GLI2: variants seen among roughly 807,000 people sequenced by gnomAD.
The protein encoded by GLI2 is transcription activator GLI2.
A neutral mutation model predicts 78.9 loss-of-function variants in GLI2; 22 were observed. The ratio of observed to expected loss-of-function variants is 0.28; its 90% confidence interval spans 0.20 to 0.40. The LOEUF is 0.40. GLI2 is among the 10% of genes least tolerant of loss of function. The pLI is 1.00. For missense variants in GLI2, 2,097 were observed against 2,213.2 expected, an observed-to-expected ratio of 0.95 and a Z score of 1.05; for synonymous variants, 974 against 963.7, an observed-to-expected ratio of 1.01 and a Z score of -0.20.
chr2:120,775,407 A>AG (rs1211527576), intron 1 of GLI2, among the ~76,000 whole-genome samples: 1 of 152,102 alleles, frequency 6.6e-6, no homozygotes, highest in African/African-American at 2.4e-5. Flanking sequence ...GGTGTCCATC[A>AG]GGGGTAGTTG....
intron 2 of GLI2, among the ~76,000 whole-genome samples, chr2:120,803,892 G>C (rs192006399): frequency 1.5e-4 from 23 of 152,118 alleles, no homozygotes; most frequent in African/African-American, 5.1e-4. Flanking sequence ...AAGAGTCTCA[G>C]GGGGGGAGAC....
intron 2 of GLI2, among the ~76,000 whole-genome samples, chr2:120,820,457 C>G (rs2104746547): frequency 6.6e-6 from 1 of 152,330 alleles, no homozygotes; most frequent in African/African-American, 2.4e-5. Flanking sequence ...ACGTCAGAGG[C>G]TGATGCTGGC....
chr2:120,918,888 G>T lies in GLI2; in HGVS notation c.149-8473G>T, dbSNP rs75805776. Reference sequence around the variant, plus strand: ...CTGTCTGGATTCATGGCTCAGGTGCGTTCTGCTCCTATCCCAAGCTCCTTA... The same window carrying T: ...CTGTCTGGATTCATGGCTCAGGTGCTTTCTGCTCCTATCCCAAGCTCCTTA... On this transcript the variant is annotated intron_variant, in intron 2 of 13. Transcript: ENST00000361492. Among the ~76,000 whole-genome samples the T allele has an allele frequency of 1.1e-4, 16 of 152,342 alleles. No individual in the cohort carries two copies. The East Asian group carries it at 3.1e-3, about 29-fold the overall frequency.
At chr2:120,775,725 C>A (rs1683657111) in intron 1 of GLI2, among the ~76,000 whole-genome samples, 1 of 152,206 alleles carries the variant, frequency 6.6e-6, no homozygotes, top group South Asian at 2.1e-4. Context: ...CTGGAACTCT[C>A]TGTGGACTTG....
intron 2 of GLI2, among the ~76,000 whole-genome samples, chr2:120,914,846 C>T (rs115985246): frequency 0.017 from 2,616 of 152,350 alleles, 74 homozygotes; most frequent in African/African-American, 0.059. Flanking sequence ...CAGGAAGGTT[C>T]GGTGAGTCAG....
chr2:120,752,294 G>T (rs1051591854), intron 1 of GLI2, among the ~76,000 whole-genome samples: 1 of 140,124 alleles, frequency 7.1e-6, no homozygotes, highest in Non-Finnish European at 1.5e-5. Flanking sequence ...TTTTTGAGAC[G>T]GAGTCTCTGT....
chr2:120,955,152 CCTTTTTTTTTTTTTTT>C lies in GLI2; in HGVS notation c.458-92_458-77del, dbSNP rs1304664828. ...GACACCAGGTGTGCATTTCTCTCTG[CCTTTTTTTTTTTTTTT>C]TTTTTTTTTTTTTGGCAGGAGAAGG... On this transcript the variant is annotated intron_variant, in intron 4 of 13. Coordinates refer to ENST00000361492, the MANE Select transcript of GLI2 (RefSeq NM_001374353.1). 155 of 305,054 alleles carry C rather than the reference CCTTTTTTTTTTTTTTT, an allele frequency of 5.1e-4. 2 individuals carry two copies. In the East Asian group the frequency reaches 5.5e-3, roughly 11 times the overall value. 18.9% of individuals were successfully genotyped at this position (305,054 alleles called of 1,614,324 possible).
chr2:120,850,128 A>G (rs919172990), intron 2 of GLI2, among the ~76,000 whole-genome samples: 1 of 150,432 alleles, frequency 6.6e-6, no homozygotes, highest in Non-Finnish European at 1.5e-5. Context: ...AGAAGGTTAT[A>G]CAAGAACAAT....
intron 2 of GLI2, among the ~76,000 whole-genome samples, chr2:120,874,516 G>A (rs561032285): frequency 3.9e-5 from 6 of 152,352 alleles, no homozygotes; most frequent in South Asian, 2.1e-4. Flanking sequence ...GGGGAAAGAC[G>A]GATGTGCCTG....
chr2:120,953,216 A>G (rs1252927343), intron 4 of GLI2, among the ~76,000 whole-genome samples: 1 of 152,254 alleles, frequency 6.6e-6, no homozygotes, highest in Non-Finnish European at 1.5e-5. Context: ...CAAGAGACAC[A>G]CTGAGAAGGC....
intron 1 of GLI2, among the ~76,000 whole-genome samples, chr2:120,795,366 T>A (rs1447642485): frequency 2.0e-5 from 3 of 151,188 alleles, no homozygotes; most frequent in Non-Finnish European, 4.4e-5. Context: ...TACTAAAAAA[T>A]ACAAAAATTA....
intron 2 of GLI2, among the ~76,000 whole-genome samples, chr2:120,919,024 C>T (rs1347593802): frequency 1.3e-5 from 2 of 151,220 alleles, no homozygotes; most frequent in Middle Eastern, 3.4e-3. Flanking sequence ...TCCAGCCTGC[C>T]CCTCTACTGC....
chr2:120,789,335 T>C (rs1221601190), intron 1 of GLI2, among the ~76,000 whole-genome samples: 1 of 152,180 alleles, frequency 6.6e-6, no homozygotes, highest in Non-Finnish European at 1.5e-5. Flanking sequence ...CACCTACTTC[T>C]GTCTCCCTGT....
At chr2:120,797,584 C>T (rs149388501) in intron 2 of GLI2, 116 bp downstream of exon 2, 25 of 995,464 alleles carry the variant, frequency 2.5e-5, no homozygotes, top group Middle Eastern at 3.2e-4. Flanking sequence ...TTATGGAGGG[C>T]GAAGAGGAAG....
At chr2:120,828,228 C>T (rs960069935) in intron 2 of GLI2, among the ~76,000 whole-genome samples, 15 of 152,186 alleles carry the variant, frequency 9.9e-5, no homozygotes, top group African/African-American at 3.6e-4. Flanking sequence ...CTTGCTGGGC[C>T]AAGGCCCCCG....
chr2:120,810,851 C>G lies in GLI2; in HGVS notation c.148+13383C>G, dbSNP rs73949910. 7.9e-3 allele frequency among the ~76,000 whole-genome samples: 1,210 copies of G among 152,282 alleles called. 18 individuals are homozygous for G. Among genetic ancestry groups the G allele is most frequent in the African/African-American group, 0.028 (1,161 of 41,548 alleles). ...TCACTGGGACATGTCTCTTTCTGTC[C>G]GTGATCTCGATTGGCTTTCCGCTGG... On this transcript the variant is annotated intron_variant, in intron 2 of 13. Coordinates refer to ENST00000361492, the MANE Select transcript of GLI2 (RefSeq NM_001374353.1).
intron 2 of GLI2, among the ~76,000 whole-genome samples, chr2:120,925,489 A>G (rs1573612247): frequency 6.6e-6 from 1 of 152,376 alleles, no homozygotes; most frequent in Middle Eastern, 3.4e-3. Flanking sequence ...CTTAAAAAGG[A>G]AGGAGATTCT....
chr2:120,912,230 T>G (rs1573586398), intron 2 of GLI2, among the ~76,000 whole-genome samples: 1 of 152,176 alleles, frequency 6.6e-6, no homozygotes, highest in African/African-American at 2.4e-5. Flanking sequence ...TCTGTCTGCT[T>G]TTAATTCACA....
At chr2:120,930,530 A>G (rs994002685) in intron 3 of GLI2, among the ~76,000 whole-genome samples, 2 of 152,156 alleles carry the variant, frequency 1.3e-5, no homozygotes, top group African/African-American at 4.8e-5. Context: ...AGTCCAGCCG[A>G]GCCCTTCTTG....
Sources: gnomAD v4.1 joint callset for allele counts (sites outside exome capture counted in the v4.1 genomes callset) on GRCh38, gnomAD v4.1.1 for gene constraint, MANE v1.5 for transcripts, NCBI Gene and HGNC (gene_info 2026-07-23, HGNC 2026-07-21) for gene names.